The following OR5AN1 variants were observed in gnomAD, a reference collection of about 807,000 sequenced individuals.
The protein encoded by OR5AN1 is olfactory receptor 5AN1.
For missense variants in OR5AN1, 476 were observed against 368.9 expected, an observed-to-expected ratio of 1.29 and a Z score of -2.38; for synonymous variants, 167 against 131.8, an observed-to-expected ratio of 1.27 and a Z score of -1.83.
intron 1 of OR5AN1, among the ~76,000 whole-genome samples, chr11:59,360,917 G>A (rs556121340): frequency 1.2e-4 from 19 of 152,330 alleles, no homozygotes; most frequent in Admixed American, 1.1e-3. Flanking sequence ...ATTTATTAAT[G>A]TGTTAGACAC....
At position 59,367,165 on chromosome 11, in the gene OR5AN1, T is replaced by C. The variant is rs1857544373; in HGVS notation, c.*1771T>C. On this transcript the variant is annotated 3_prime_UTR_variant, in exon 2 of 2. Coordinates refer to ENST00000641998, the MANE Select transcript of OR5AN1 (RefSeq NM_001004729.2). ...AACCTTAAGAAAACTAGAGGAGAAG[T>C]GGAGGAGTGGGCAAGATGGCTGACC... 1 of 151,884 alleles carries C rather than the reference T, an allele frequency of 6.6e-6. No individual in the cohort carries two copies. The highest frequency in any genetic ancestry group is 6.6e-5 in the Admixed American group (1 of 15,250). The allele number at this position is 151,884 out of a possible 1,614,324, so 9.4% of individuals were successfully genotyped here. A position where few individuals can be genotyped will look rare whatever the true frequency, so the allele number is the denominator to read the frequency against.
At chr11:59,364,203 C>A (rs1232018155) in intron 1 of OR5AN1, among the ~76,000 whole-genome samples, 1 of 152,154 alleles carries the variant, frequency 6.6e-6, no homozygotes, top group African/African-American at 2.4e-5. Context: ...TTAAAAATTA[C>A]CAGTCAACTT....
chr11:59,365,107 A>T lies in OR5AN1; in HGVS notation c.649A>T (p.Ile217Leu). Residue 217 changes from isoleucine to leucine, a missense_variant, in exon 2 of 2, where the codon ATA (isoleucine) becomes TTA (leucine). Ile to Leu is a conservative substitution (Grantham distance 5, BLOSUM62 2). Coordinates refer to ENST00000641998, the MANE Select transcript of OR5AN1 (RefSeq NM_001004729.2). ...FGIASALVIM[I>L]SYGYIGISIM... ...GATAGCAAGTGCCCTAGTTATCATGATATCCTATGGCTATATTGGCATCTC... is the reference window on the plus strand; with the variant it reads ...GATAGCAAGTGCCCTAGTTATCATGTTATCCTATGGCTATATTGGCATCTC... 1 of 1,614,126 alleles carries T rather than the reference A, an allele frequency of 6.2e-7. No individual in the cohort carries two copies. The highest frequency in any genetic ancestry group is 8.5e-7 in the Non-Finnish European group (1 of 1,179,998).
chr11:59,362,146 C>T (rs1283055887), intron 1 of OR5AN1, among the ~76,000 whole-genome samples: 2 of 152,066 alleles, frequency 1.3e-5, no homozygotes, highest in Non-Finnish European at 2.9e-5. Flanking sequence ...AGTGCCCATT[C>T]CTTACTGATT....
chr11:59,365,347 G>T lies in OR5AN1; in HGVS notation c.889G>T (p.Glu297Ter), dbSNP rs1177245319. 2 of 1,609,148 alleles carry T rather than the reference G, an allele frequency of 1.2e-6. No homozygotes were observed. Among genetic ancestry groups the T allele is most frequent in the Non-Finnish European group, 8.5e-7 (1 of 1,178,456 alleles). Reference protein sequence around the residue: ...NPLIYSLRNKEIKDALKRLQK... With the variant: ...NPLIYSLRNK ...CTTGATTTACAGTTTGAGGAACAAAGAAATTAAAGATGCCTTAAAGAGGTT... is the reference window on the plus strand; with the variant it reads ...CTTGATTTACAGTTTGAGGAACAAATAAATTAAAGATGCCTTAAAGAGGTT... The change falls in exon 2 of 2, where the codon GAA becomes TAA. Residue 297 changes from glutamate (E) to a stop codon, truncating the protein, a stop_gained. Coordinates refer to ENST00000641998, the MANE Select transcript of OR5AN1 (RefSeq NM_001004729.2). LOFTEE classifies it low-confidence loss of function (END_TRUNC).
chr11:59,364,656 C>A lies in OR5AN1; in HGVS notation c.198C>A (p.Asn66Lys), dbSNP rs769944338. 29 of 1,613,906 alleles carry A rather than the reference C, an allele frequency of 1.8e-5. No individual in the cohort carries two copies. The highest frequency in any genetic ancestry group is 6.7e-5 in the East Asian group (3 of 44,890). ...LHTPMYFFLSNLSFIDVCYIS... is the reference protein window; with the variant it reads ...LHTPMYFFLSKLSFIDVCYIS... ...CACCCATGTATTTCTTCCTCAGTAA[C>A]CTGTCCTTCATAGATGTCTGCTATA... The change falls in exon 2 of 2, where the codon AAC (asparagine) becomes AAA (lysine). Residue 66 changes from asparagine to lysine, a missense_variant. Transcript: ENST00000641998.
At position 59,364,602 on chromosome 11, in the gene OR5AN1, T is replaced by G. The variant is rs1857502241; in HGVS notation, c.144T>G (p.Val48=). 7.4e-6 allele frequency: 12 copies of G among 1,614,060 alleles called. No homozygotes were observed. The highest frequency in any genetic ancestry group is 9.3e-6 in the Non-Finnish European group (11 of 1,179,942). ...TGGCCTGGAACCTCTCCCTCATTGT[T>G]TTAATAAGGATGGATTCCCACCTCC... ...TSLAWNLSLI[V]LIRMDSHLHT... is the part of the protein sequence containing the mutation. Residue 48 remains valine (V), a synonymous_variant, in exon 2 of 2, where the codon GTT becomes GTG. Coordinates refer to ENST00000641998, the MANE Select transcript of OR5AN1 (RefSeq NM_001004729.2).
chr11:59,359,932 C>T (rs1857445765), intron 1 of OR5AN1: 1 of 152,166 alleles, frequency 6.6e-6, no homozygotes, highest in Non-Finnish European at 1.5e-5. Flanking sequence ...TTTTGATCAC[C>T]TATATTCATC....
Position 59,365,775 on chromosome 11 carries a change from C to G in OR5AN1, c.*381C>G, listed in dbSNP as rs536003607. On this transcript the variant is annotated 3_prime_UTR_variant, in exon 2 of 2. Transcript: ENST00000641998. ...TACAGAAATGAGGCCTGGCACAGAC[C>G]CCCAGGAGTTCAGAAACATCATCTC... The G allele has an allele frequency of 1.7e-5, 3 of 173,096 alleles. No individual in the cohort carries two copies. Among genetic ancestry groups the G allele is most frequent in the African/African-American group, 7.2e-5 (3 of 41,896 alleles). The allele number at this position is 173,096 out of a possible 1,614,324, so 10.7% of individuals were successfully genotyped here.
Position 59,364,856 on chromosome 11 carries a change from A to C in OR5AN1, c.398A>C (p.Tyr133Ser). ...GCTGCCATTTGTAACCCCCTGCTCT[A>C]TTCATCCATCATGTCACCCACCCTC... is the stretch of plus-strand genomic sequence containing the variant. Reference protein sequence around the residue: ...RYAAICNPLLYSSIMSPTLCV... With the variant: ...RYAAICNPLLSSSIMSPTLCV... The change falls in exon 2 of 2, where the codon TAT becomes TCT. Residue 133 changes from tyrosine to serine, a missense_variant. Physicochemically the swap from Tyr to Ser is moderately radical, Grantham distance 144. Coordinates refer to ENST00000641998, the MANE Select transcript of OR5AN1 (RefSeq NM_001004729.2). 2.5e-6 allele frequency: 4 copies of C among 1,613,842 alleles called. No individual in the cohort carries two copies. Among genetic ancestry groups the C allele is most frequent in the Non-Finnish European group, 3.4e-6 (4 of 1,179,850 alleles).
intron 1 of OR5AN1, among the ~76,000 whole-genome samples, chr11:59,361,850 AT>A (rs1450235019): frequency 2.6e-5 from 4 of 151,836 alleles, no homozygotes; most frequent in South Asian, 2.1e-4. Flanking sequence ...ATTTAATAAT[AT>A]TTTTATCATA....
rs190266773 is a variant in OR5AN1 at position 59,365,056 on chromosome 11, A to G, written c.598A>G (p.Thr200Ala). ...TGACACTTTCTTTGTACAGGTCATG[A>G]CTGCTATATTAACCATGTTCTTTGG... Reference protein sequence around the residue: ...CTDTFFVQVMTAILTMFFGIA... With the variant: ...CTDTFFVQVMAAILTMFFGIA... The change falls in exon 2 of 2, where the codon ACT becomes GCT. Residue 200 changes from threonine to alanine, a missense_variant. Transcript: ENST00000641998. The G allele has an allele frequency of 5.0e-5, 81 of 1,614,058 alleles. 1 individual carries two copies. In the African/African-American group the frequency reaches 7.7e-4, roughly 15 times the overall value.
intron 1 of OR5AN1, 147 bp from the exon 2 acceptor site, chr11:59,364,299 A>G (rs1005404881): frequency 1.8e-6 from 1 of 563,430 alleles, no homozygotes; most frequent in Non-Finnish European, 3.1e-6. Flanking sequence ...ACAATTCAAG[A>G]AAGGCTGGGG....
chr11:59,360,395 G>A (rs1294351266), intron 1 of OR5AN1, among the ~76,000 whole-genome samples: 2 of 151,842 alleles, frequency 1.3e-5, no homozygotes, highest in Non-Finnish European at 2.9e-5. Context: ...GTATTAGAGG[G>A]TTTTTTTATT....
At chr11:59,361,748 T>G (rs1458888586) in intron 1 of OR5AN1, among the ~76,000 whole-genome samples, 1 of 152,198 alleles carries the variant, frequency 6.6e-6, no homozygotes, top group East Asian at 1.9e-4. Flanking sequence ...AAGTCTACTC[T>G]CTCACATTCT....
At position 59,368,844 on chromosome 11, in the gene OR5AN1, G is replaced by C. The variant is rs920804966; in HGVS notation, c.*3450G>C. ...AATCAGGAACTACAGGCAGCACTCAGGGGGAGAGGAAACCACACGTTCTGA... is the reference window on the plus strand; with the variant it reads ...AATCAGGAACTACAGGCAGCACTCACGGGGAGAGGAAACCACACGTTCTGA... On this transcript the variant is annotated 3_prime_UTR_variant, in exon 2 of 2. Coordinates refer to ENST00000641998, the MANE Select transcript of OR5AN1 (RefSeq NM_001004729.2). 2 of 152,268 alleles carry C rather than the reference G, an allele frequency of 1.3e-5. No homozygotes were observed. Among genetic ancestry groups the C allele is most frequent in the African/African-American group, 4.8e-5 (2 of 41,444 alleles). The allele number at this position is 152,268 out of a possible 1,614,324, so 9.4% of individuals were successfully genotyped here.
chr11:59,364,333 A>T, intron 1 of OR5AN1, 113 bp from the exon 2 acceptor site: 5 of 647,342 alleles, frequency 7.7e-6, no homozygotes, highest in Non-Finnish European at 1.3e-5. Flanking sequence ...AGAGTGAAAC[A>T]TTTGTCCATT....
chr11:59,370,847 G>C lies in OR5AN1; in HGVS notation c.*5453G>C, dbSNP rs1857586533. 6.6e-6 allele frequency: 1 copy of C among 152,154 alleles called. No homozygotes were observed. Among genetic ancestry groups the C allele is most frequent in the Admixed American group, 6.5e-5 (1 of 15,272 alleles). 9.4% of individuals were successfully genotyped at this position (152,154 alleles called of 1,614,324 possible). A position where few individuals can be genotyped will look rare whatever the true frequency, so the allele number is the denominator to read the frequency against. On this transcript the variant is annotated 3_prime_UTR_variant, in exon 2 of 2. Transcript: ENST00000641998. Reference sequence around the variant, plus strand: ...GACAAAACCAATAGGATACATCAGAGGAGTTCCTGAACTCCTTAAAATTGT... The same window carrying C: ...GACAAAACCAATAGGATACATCAGACGAGTTCCTGAACTCCTTAAAATTGT...
chr11:59,360,688 T>A (rs1565051813), intron 1 of OR5AN1, among the ~76,000 whole-genome samples: 1 of 152,184 alleles, frequency 6.6e-6, no homozygotes, highest in Non-Finnish European at 1.5e-5. Flanking sequence ...AGTGTTTGGT[T>A]TTCTGTTCCT....
Sources: gnomAD v4.1 joint callset for allele counts (sites outside exome capture counted in the v4.1 genomes callset) on GRCh38, gnomAD v4.1.1 for gene constraint, MANE v1.5 for transcripts, NCBI Gene and HGNC (gene_info 2026-07-23, HGNC 2026-07-21) for gene names.